TG: variants seen among roughly 807,000 people sequenced by gnomAD.
TG encodes thyroid hormones.
Under a neutral mutation model 324.7 loss-of-function variants are expected in TG, and 270 were observed. The observed-to-expected ratio is 0.83, with a 90% CI of 0.75 to 0.92. The LOEUF is 0.92. Ranked by LOEUF, TG falls within the 40% of genes least tolerant of loss-of-function variation. The pLI, the probability that TG is intolerant of heterozygous loss-of-function variation, is 0.00. For missense variants in TG, 3,591 were observed against 3,456.4 expected (o/e 1.04, Z -0.98); for synonymous variants, 1,401 against 1,327.0 (o/e 1.06, Z -1.21).
chr8:133,051,907 C>T (rs1533910), intron 41 of TG, among the ~76,000 whole-genome samples: 32,379 of 152,142 alleles, frequency 0.21, 3,596 homozygotes, highest in African/African-American at 0.25. Flanking sequence ...TTTATTCATT[C>T]GGCAACTACT....
chr8:133,024,306 T>TTTTCTTTCTTTC (rs199604332), intron 40 of TG, among the ~76,000 whole-genome samples: 10 of 87,854 alleles, frequency 1.1e-4, no homozygotes, highest in Admixed American at 5.0e-4. Flanking sequence ...CCACAGGCCA[T>TTTTCTTTCTTTC]TTTCTTTCTT....
At chr8:132,974,813 T>G (rs1347153477) in intron 34 of TG, among the ~76,000 whole-genome samples, 1 of 152,156 alleles carries the variant, frequency 6.6e-6, no homozygotes, top group East Asian at 1.9e-4. Context: ...CCAGGCAGTA[T>G]CTGGTGCTCG....
At chr8:132,973,084 G>A (rs540999380) in intron 34 of TG, among the ~76,000 whole-genome samples, 9 of 152,266 alleles carry the variant, frequency 5.9e-5, no homozygotes, top group African/African-American at 2.2e-4. Context: ...TAAATTCAAG[G>A]AGGAGAGTTT....
chr8:132,954,513 A>T (rs979792988), intron 27 of TG, among the ~76,000 whole-genome samples: 1 of 152,210 alleles, frequency 6.6e-6, no homozygotes, highest in Non-Finnish European at 1.5e-5. Context: ...AGTGCAAAAC[A>T]CACTTCAGAA....
chr8:133,000,085 A>G (rs1161432280), intron 35 of TG, among the ~76,000 whole-genome samples: 1 of 152,240 alleles, frequency 6.6e-6, no homozygotes, highest in Non-Finnish European at 1.5e-5. Context: ...CATGCATTCA[A>G]CAATGCAGAC....
At chr8:133,094,475 T>C (rs894867645) in intron 41 of TG, 14 of 174,958 alleles carry the variant, frequency 8.0e-5, no homozygotes, top group East Asian at 7.1e-4. Flanking sequence ...CTCCTGACCT[T>C]GTGATCCGCC....
At chr8:132,875,683 T>G (rs1239585732) in intron 5 of TG, among the ~76,000 whole-genome samples, 1 of 152,224 alleles carries the variant, frequency 6.6e-6, no homozygotes, top group Non-Finnish European at 1.5e-5. Context: ...ATGCAAAAGT[T>G]CAGAATAAGC....
In TG at chr8:132,887,437, A is replaced by G; in HGVS notation, c.2065A>G (p.Ser689Gly). The change falls in exon 9 of 48, where the codon AGT (serine) becomes GGT (glycine). Residue 689 changes from serine (S) to glycine (G), a missense_variant. By Grantham distance (56) the Ser-to-Gly change is moderately conservative. Transcript: ENST00000220616. ...CACCTTGTTTGTCCCTGCTTGTACT[A>G]GTGAGGGACATTTCCTGCCTGTCCA... ...GSTLFVPACT[S>G]EGHFLPVQCF... 1.2e-6 allele frequency: 2 copies of G among 1,614,124 alleles called. No individual in the cohort carries two copies. Among genetic ancestry groups the G allele is most frequent in the South Asian group, 2.2e-5 (2 of 91,082 alleles).
At chr8:133,064,261 A>G (rs1842778444) in intron 41 of TG, 1 of 152,236 alleles carries the variant, frequency 6.6e-6, no homozygotes, top group Admixed American at 6.5e-5. Flanking sequence ...TCAAGACTCA[A>G]TGGTTTTTAA....
In TG at chr8:132,887,321, G is replaced by C; in HGVS notation, c.1949G>C (p.Arg650Thr). ...TGGGGCAAAGAGCTTCCAGGCTCAAGAGTCAGAGGTGGACAGCCAAGGTGC... is the reference window on the plus strand; with the variant it reads ...TGGGGCAAAGAGCTTCCAGGCTCAACAGTCAGAGGTGGACAGCCAAGGTGC... ...NSWGKELPGS[R>T]VRGGQPRCPT... The change falls in exon 9 of 48, where the codon AGA (arginine) becomes ACA (threonine). Residue 650 changes from arginine to threonine, a missense_variant. Arg to Thr is a moderately conservative substitution (Grantham distance 71). Coordinates refer to ENST00000220616, the MANE Select transcript of TG (RefSeq NM_003235.5). 1.2e-6 allele frequency: 2 copies of C among 1,608,968 alleles called. No homozygotes were observed. Among genetic ancestry groups the C allele is most frequent in the Non-Finnish European group, 1.7e-6 (2 of 1,175,924 alleles).
intron 3 of TG, 113 bp from the exon 4 acceptor site, chr8:132,871,235 G>T: frequency 4.5e-6 from 5 of 1,120,880 alleles, no homozygotes; most frequent in Non-Finnish European, 5.4e-6. Context: ...TCCTTGGGCG[G>T]GTCATTCCCC....
At chr8:133,088,474 T>C (rs1276426590) in intron 41 of TG, among the ~76,000 whole-genome samples, 3 of 152,156 alleles carry the variant, frequency 2.0e-5, no homozygotes, top group African/African-American at 4.8e-5. Flanking sequence ...TTGGAAAAAT[T>C]ACCTACCCAC....
At chr8:133,060,941 G>A (rs971973339) in intron 41 of TG, among the ~76,000 whole-genome samples, 21 of 152,202 alleles carry the variant, frequency 1.4e-4, no homozygotes, top group Non-Finnish European at 2.9e-4. Flanking sequence ...CGGTTTTCAA[G>A]TTAACCACCC....
At chr8:132,923,248 A>G (rs1821355845) in intron 21 of TG, 90 bp from the exon 22 acceptor site, 1 of 1,409,430 alleles carries the variant, frequency 7.1e-7, no homozygotes, top group Non-Finnish European at 1.0e-6. Context: ...TGTGACTTGG[A>G]CACCTTGTCA....
intron 43 of TG, among the ~76,000 whole-genome samples, chr8:133,112,025 G>T (rs1161652778): frequency 1.4e-5 from 2 of 143,830 alleles, no homozygotes; most frequent in Admixed American, 6.7e-5. Context: ...CACCCAGGAG[G>T]GGCTGTTCCC....
chr8:132,908,511 C>A, intron 18 of TG, among the ~76,000 whole-genome samples, 171 bp downstream of exon 18: 1 of 78,438 alleles, frequency 1.3e-5, no homozygotes, highest in Admixed American at 1.6e-4. Context: ...TTCTAGACAG[C>A]CACTTTAAGA....
chr8:133,094,830 C>CT, intron 41 of TG: 1 of 652,484 alleles, frequency 1.5e-6, no homozygotes, highest in Non-Finnish European at 2.7e-6. Context: ...GGTTAGGAAA[C>CT]TGAGGCCTAG....
Position 132,922,981 on chromosome 8 carries a change from T to C in TG, c.4529-357T>C, listed in dbSNP as rs374225656. On this transcript the variant is annotated intron_variant, in intron 21 of 47. Transcript: ENST00000220616. The stretch of plus-strand genomic sequence containing the variant: ...CAATGAGAATTGGGATGAAAACAGG[T>C]GAGTGGTGGAGAGTTCGCGCAGCAA... 1.5e-4 allele frequency among the ~76,000 whole-genome samples: 23 copies of C among 151,862 alleles called. No individual in the cohort carries two copies. The East Asian group carries it at 4.1e-3, about 27-fold the overall frequency.
At chr8:133,006,412 A>G (rs1379633702) in intron 35 of TG, among the ~76,000 whole-genome samples, 1 of 152,240 alleles carries the variant, frequency 6.6e-6, no homozygotes, top group Non-Finnish European at 1.5e-5. Flanking sequence ...TTCTTGTCAC[A>G]TTTCTCAAGA....
Sources: gnomAD v4.1 joint callset for allele counts (sites outside exome capture counted in the v4.1 genomes callset) on GRCh38, gnomAD v4.1.1 for gene constraint, MANE v1.5 for transcripts, NCBI Gene and HGNC (gene_info 2026-07-23, HGNC 2026-07-21) for gene names.